Variants in CEP135 observed in about 807,000 individuals in gnomAD.
CEP135 encodes centrosomal protein of 135 kDa.
A neutral mutation model predicts 157.3 loss-of-function variants in CEP135; 142 were observed. That is an observed-to-expected ratio of 0.90 (90% CI 0.79 to 1.04). The LOEUF (loss-of-function observed/expected upper bound fraction) is 1.04. Ranked by LOEUF, CEP135 falls within the 50% of genes least tolerant of loss-of-function variation. The pLI is 0.00. For synonymous variants in CEP135, 396 were observed against 439.8 expected, an observed-to-expected ratio of 0.90 and a Z score of 1.25; for missense variants, 1,317 against 1,309.2, an observed-to-expected ratio of 1.01 and a Z score of -0.09.
rs2109733763 is a variant in CEP135 at position 56,011,434 on chromosome 4, C to T, written c.2528C>T (p.Ala843Val). 6.2e-7 allele frequency: 1 copy of T among 1,610,770 alleles called. No individual in the cohort carries two copies. Among genetic ancestry groups the T allele is most frequent in the South Asian group, 1.1e-5 (1 of 90,008 alleles). ...ENQEISLELE[A>V]AVQEKEEMKS... ...TAGGAAATCTCATTGGAATTGGAAGCAGCAGTGCAAGAAAAAGAAGAAATG... is the reference window on the plus strand; with the variant it reads ...TAGGAAATCTCATTGGAATTGGAAGTAGCAGTGCAAGAAAAAGAAGAAATG... Residue 843 changes from alanine to valine, a missense_variant, in exon 20 of 26, where the codon GCA becomes GTA. Ala to Val is a moderately conservative substitution (Grantham distance 64). Coordinates refer to ENST00000257287, the MANE Select transcript of CEP135 (RefSeq NM_025009.5).
intron 11 of CEP135, among the ~76,000 whole-genome samples, chr4:55,977,621 G>A (rs1341851174): frequency 1.3e-5 from 2 of 152,166 alleles, no homozygotes; most frequent in African/African-American, 4.8e-5. Context: ...ATACATTATA[G>A]AAAGATTCAG....
rs532495945 is a variant in CEP135 at position 56,008,345 on chromosome 4, A to G, written c.2299A>G (p.Met767Val). The change falls in exon 18 of 26, where the codon ATG becomes GTG. Residue 767 changes from methionine (M) to valine (V), a missense_variant. Met to Val is a conservative substitution (Grantham distance 21, BLOSUM62 1). Transcript: ENST00000257287. Reference sequence around the variant, plus strand: ...TCTATAGGAAAAAGCTGTTGCTCAAATGAAGATAATGATCTCAGAGTGTGA... The same window carrying G: ...TCTATAGGAAAAAGCTGTTGCTCAAGTGAAGATAATGATCTCAGAGTGTGA... ...LANKEKAVAQ[M>V]KIMISECESS... 5 of 1,610,128 alleles carry G rather than the reference A, an allele frequency of 3.1e-6. No homozygotes were observed. The highest frequency in any genetic ancestry group is 4.2e-6 in the Non-Finnish European group (5 of 1,178,508).
chr4:56,011,947 C>T lies in CEP135; in HGVS notation c.2764C>T (p.Arg922Ter), dbSNP rs369943972. Residue 922 changes from arginine to a stop codon, truncating the protein, a stop_gained, in exon 21 of 26, where the codon CGA (arginine) becomes TGA (stop). Coordinates refer to ENST00000257287, the MANE Select transcript of CEP135 (RefSeq NM_025009.5). LOFTEE classifies it high-confidence loss of function. ...LSIDTERRHLRERVELLEKEI... is the reference protein window; with the variant it reads ...LSIDTERRHL ...TATTGACACTGAGAGGAGACATCTT[C>T]GAGAAAGAGTGGAGCTATTAGAAAA... 24 of 1,572,944 alleles carry T rather than the reference C, an allele frequency of 1.5e-5. No homozygotes were observed. In the East Asian group the frequency reaches 1.9e-4, roughly 12 times the overall value.
At chr4:56,029,701 T>C (rs1731277394) in intron 25 of CEP135, among the ~76,000 whole-genome samples, 1 of 152,220 alleles carries the variant, frequency 6.6e-6, no homozygotes, top group Non-Finnish European at 1.5e-5. Context: ...CTGTACAGCA[T>C]GTTACTGTAC....
intron 17 of CEP135, among the ~76,000 whole-genome samples, chr4:56,007,758 G>A (rs574778563): frequency 2.0e-5 from 3 of 152,076 alleles, no homozygotes; most frequent in Non-Finnish European, 4.4e-5. Context: ...GAGAGAAGGG[G>A]CATCACAGGT....
In CEP135 at chr4:55,985,255, A is replaced by C. The variant is rs201883448; in HGVS notation, c.1780-26A>C. ...TTGTTTTGTTATCTGATACAAATGA[A>C]CATTTTCTTTAACATTCTTTTTCAG... On this transcript the variant is annotated intron_variant, in intron 13 of 25. Coordinates refer to ENST00000257287, the MANE Select transcript of CEP135 (RefSeq NM_025009.5). The C allele has an allele frequency of 1.4e-5, 19 of 1,335,820 alleles. No individual in the cohort carries two copies. In the African/African-American group the frequency reaches 2.4e-4, roughly 17 times the overall value. The allele number at this position is 1,335,820 out of a possible 1,614,324, so 82.7% of individuals were successfully genotyped here.
intron 18 of CEP135, among the ~76,000 whole-genome samples, chr4:56,008,875 G>A (rs1730458010): frequency 1.3e-5 from 2 of 151,970 alleles, no homozygotes; most frequent in South Asian, 4.2e-4. Context: ...ATAAATATTT[G>A]CCAATTGAAT....
At chr4:56,023,659 A>G (rs1305350221) in intron 24 of CEP135, among the ~76,000 whole-genome samples, 1 of 144,012 alleles carries the variant, frequency 6.9e-6, no homozygotes, top group Non-Finnish European at 1.5e-5. Flanking sequence ...CATATAATAT[A>G]TAATATACTA....
intron 9 of CEP135, among the ~76,000 whole-genome samples, 163 bp downstream of exon 9, chr4:55,969,291 G>A (rs948728069): frequency 1.3e-5 from 2 of 152,068 alleles, no homozygotes; most frequent in African/African-American, 4.8e-5. Flanking sequence ...GCTGGGAGTG[G>A]TGGCGCATGC....
At chr4:55,973,023 C>T (rs1201883779) in intron 10 of CEP135, among the ~76,000 whole-genome samples, 4 of 151,732 alleles carry the variant, frequency 2.6e-5, no homozygotes, top group Non-Finnish European at 5.9e-5. Flanking sequence ...AATAGTGAAA[C>T]TGTGTGAAAA....
intron 16 of CEP135, 33 bp from the exon 17 acceptor site, chr4:55,999,458 C>G: frequency 1.2e-6 from 2 of 1,612,762 alleles, no homozygotes; most frequent in Non-Finnish European, 1.7e-6. Context: ...TCCTAATGTA[C>G]TTTGTCTAAC....
chr4:55,961,989 T>C (rs1214803950), intron 6 of CEP135, among the ~76,000 whole-genome samples: 3 of 152,196 alleles, frequency 2.0e-5, no homozygotes, highest in African/African-American at 7.2e-5. Context: ...TATTCTTTTT[T>C]TCTTTAACAA....
Position 55,974,934 on chromosome 4 carries a change from C to G in CEP135, c.1438C>G (p.Arg480Gly). 1 of 1,604,764 alleles carries G rather than the reference C, an allele frequency of 6.2e-7. No homozygotes were observed. Among genetic ancestry groups the G allele is most frequent in the Non-Finnish European group, 8.5e-7 (1 of 1,174,622 alleles). Reference sequence around the variant, plus strand: ...ATCTTGCTCTACAAGTTATAGCGCACGTGAAAAAAGTTCAATATTTAGAAC... The same window carrying G: ...ATCTTGCTCTACAAGTTATAGCGCAGGTGAAAAAAGTTCAATATTTAGAAC... ...RRSCSTSYSAREKSSIFRTPE... is the reference protein window; with the variant it reads ...RRSCSTSYSAGEKSSIFRTPE... The change falls in exon 11 of 26, where the codon CGT (arginine) becomes GGT (glycine). Residue 480 changes from arginine (R) to glycine (G), a missense_variant. Transcript: ENST00000257287.
intron 17 of CEP135, among the ~76,000 whole-genome samples, chr4:56,006,272 T>C (rs1207138951): frequency 6.6e-6 from 1 of 152,180 alleles, no homozygotes; most frequent in African/African-American, 2.4e-5. Context: ...TTTTATTCTT[T>C]TGTTGTTGTT....
chr4:56,013,176 G>C (rs893146343), intron 21 of CEP135, among the ~76,000 whole-genome samples: 1 of 152,050 alleles, frequency 6.6e-6, no homozygotes, highest in Non-Finnish European at 1.5e-5. Flanking sequence ...GTTTATTGAC[G>C]ATTTGTGTAT....
At chr4:55,955,532 A>G (rs1414155208) in intron 4 of CEP135, among the ~76,000 whole-genome samples, 1 of 152,194 alleles carries the variant, frequency 6.6e-6, no homozygotes, top group South Asian at 2.1e-4. Flanking sequence ...ACTGTGAGCA[A>G]AAGGCAGAAG....
chr4:55,965,787 G>C lies in CEP135; in HGVS notation c.972G>C (p.Gln324His). The change falls in exon 8 of 26, where the codon CAG becomes CAC. Residue 324 changes from glutamine (Q) to histidine (H), a missense_variant. Transcript: ENST00000257287. ...GCCAAGAATTAACTGAAATAGATCAGTTAGCACAGCAGTTGGAAAGACATA... is the reference window on the plus strand; with the variant it reads ...GCCAAGAATTAACTGAAATAGATCACTTAGCACAGCAGTTGGAAAGACATA... ...KLCQELTEID[Q>H]LAQQLERHKE... 1.2e-5 allele frequency: 19 copies of C among 1,613,836 alleles called. No individual in the cohort carries two copies. The highest frequency in any genetic ancestry group is 1.6e-5 in the Non-Finnish European group (19 of 1,179,842).
chr4:55,957,254 C>T lies in CEP135; in HGVS notation c.504C>T (p.Arg168=), dbSNP rs748333562. 1 of 1,614,016 alleles carries T rather than the reference C, an allele frequency of 6.2e-7. No homozygotes were observed. The highest frequency in any genetic ancestry group is 8.5e-7 in the Non-Finnish European group (1 of 1,179,984). Residue 168 remains arginine (R), a synonymous_variant, in exon 5 of 26, where the codon CGC becomes CGT. Coordinates refer to ENST00000257287, the MANE Select transcript of CEP135 (RefSeq NM_025009.5). The stretch of plus-strand genomic sequence containing the variant: ...AGAAAAGAAGTATTGCTTTCAGGCG[C>T]CAGCGTATGCAAATTGATGAACCGG... ...GGKKRSIAFR[R]QRMQIDEPVP...
intron 5 of CEP135, among the ~76,000 whole-genome samples, chr4:55,959,163 C>T (rs1728600617): frequency 2.0e-5 from 3 of 152,280 alleles, no homozygotes; most frequent in South Asian, 2.1e-4. Flanking sequence ...CATAATGTAC[C>T]TGAACAATTC....
Sources: gnomAD v4.1 joint callset for allele counts (sites outside exome capture counted in the v4.1 genomes callset) on GRCh38, gnomAD v4.1.1 for gene constraint, MANE v1.5 for transcripts, NCBI Gene and HGNC (gene_info 2026-07-23, HGNC 2026-07-21) for gene names.